The following KCNQ5 variants were observed in gnomAD, a reference collection of about 807,000 sequenced individuals.
KCNQ5 encodes the protein potassium voltage-gated channel subfamily Q member 5.
In KCNQ5, 30 loss-of-function variants were observed where a neutral mutation model predicts 98.2. That is an observed-to-expected ratio of 0.31 (90% CI 0.23 to 0.41). The LOEUF is 0.41. Among genes scored for constraint, KCNQ5 ranks in the 10% least tolerant of loss-of-function variants. The pLI is 1.00. For synonymous variants in KCNQ5, 458 were observed against 449.4 expected (o/e 1.02, Z -0.24); for missense variants, 835 against 1,182.5 (o/e 0.71, Z 4.31).
chr6:72,712,654 A>G (rs1769427862), intron 1 of KCNQ5, among the ~76,000 whole-genome samples: 1 of 152,190 alleles, frequency 6.6e-6, no homozygotes, highest in Admixed American at 6.5e-5. Context: ...GAAAAATGTC[A>G]GCAACTAATA....
chr6:73,085,817 A>C (rs2150399490), intron 5 of KCNQ5, among the ~76,000 whole-genome samples: 1 of 152,278 alleles, frequency 6.6e-6, no homozygotes, highest in South Asian at 2.1e-4. Context: ...GTGGTTTAAA[A>C]CCCACTCTGT....
chr6:72,663,072 G>C (rs1183083335), intron 1 of KCNQ5, among the ~76,000 whole-genome samples: 1 of 152,104 alleles, frequency 6.6e-6, no homozygotes, highest in East Asian at 1.9e-4. Flanking sequence ...TCTCTTGTAA[G>C]TGGGAGTAGA....
At chr6:73,023,204 G>A (rs1770688041) in intron 2 of KCNQ5, among the ~76,000 whole-genome samples, 1 of 152,146 alleles carries the variant, frequency 6.6e-6, no homozygotes, top group African/African-American at 2.4e-5. Context: ...ATCAAGGGGT[G>A]GTGTTTGAGG....
intron 3 of KCNQ5, among the ~76,000 whole-genome samples, chr6:73,063,686 T>TAGGTAGATGATA (rs55995543): frequency 1.1e-5 from 1 of 93,244 alleles, no homozygotes; most frequent in Non-Finnish European, 2.3e-5. Flanking sequence ...GATAGATAGA[T>TAGGTAGATGATA]GATAGATAGA....
At chr6:73,149,029 A>G (rs1777035013) in intron 10 of KCNQ5, among the ~76,000 whole-genome samples, 2 of 152,246 alleles carry the variant, frequency 1.3e-5, no homozygotes, top group African/African-American at 4.8e-5. Context: ...AGGAAAGAAG[A>G]CATACTGAAA....
At position 73,105,791 on chromosome 6, in the gene KCNQ5, T is replaced by C. The variant is rs369710027; in HGVS notation, c.1029+424T>C. Among the ~76,000 whole-genome samples, 28 of 152,314 alleles carry C rather than the reference T, an allele frequency of 1.8e-4. No homozygotes were observed. The East Asian group carries it at 2.1e-3, about 12-fold the overall frequency. ...CAGATCCATTTGAGTGAAAAGCATA[T>C]GACCTTAAAGGGTGTTAAACATGTC... On this transcript the variant is annotated intron_variant, in intron 6 of 13. Transcript: ENST00000370398.
intron 1 of KCNQ5, among the ~76,000 whole-genome samples, chr6:72,815,146 C>T (rs1775445492): frequency 6.6e-6 from 1 of 152,034 alleles, no homozygotes; most frequent in African/African-American, 2.4e-5. Flanking sequence ...GCAGAATCAG[C>T]TTTTACTCTC....
intron 1 of KCNQ5, among the ~76,000 whole-genome samples, chr6:72,763,225 G>A (rs1416082364): frequency 1.3e-5 from 2 of 151,896 alleles, no homozygotes; most frequent in Admixed American, 6.6e-5. Flanking sequence ...ATATTGAATG[G>A]TATTAACAAG....
At chr6:73,102,878 A>G (rs1267567755) in intron 5 of KCNQ5, among the ~76,000 whole-genome samples, 1 of 152,196 alleles carries the variant, frequency 6.6e-6, no homozygotes, top group Non-Finnish European at 1.5e-5. Context: ...TTTAGCCACT[A>G]TGGAGAAGAG....
intron 11 of KCNQ5, among the ~76,000 whole-genome samples, chr6:73,171,705 T>C (rs75101658): frequency 0.017 from 2,583 of 152,338 alleles, 137 homozygotes; most frequent in Admixed American, 0.11. Flanking sequence ...CAGAAAATTT[T>C]ATTGAACATT....
chr6:73,159,753 A>C (rs7748418), intron 10 of KCNQ5, among the ~76,000 whole-genome samples: 1 of 152,024 alleles, frequency 6.6e-6, no homozygotes, highest in Non-Finnish European at 1.5e-5. Flanking sequence ...ATATATTTTG[A>C]ATTGTGATTC....
chr6:72,854,452 A>G lies in KCNQ5; in HGVS notation c.399-149456A>G, dbSNP rs967874592. ...ATTAGAAAAAAAATTTCTTTTTACT[A>G]TTAATATGTGTTCATTTATGTAAAA... On this transcript the variant is annotated intron_variant, in intron 1 of 13. Coordinates refer to ENST00000370398, the MANE Select transcript of KCNQ5 (RefSeq NM_019842.4). Among the ~76,000 whole-genome samples, 3 of 151,992 alleles carry G rather than the reference A, an allele frequency of 2.0e-5. No homozygotes were observed. In the East Asian group the frequency reaches 5.8e-4, roughly 30 times the overall value.
chr6:72,965,686 T>C (rs559442821), intron 1 of KCNQ5, among the ~76,000 whole-genome samples: 1 of 152,356 alleles, frequency 6.6e-6, no homozygotes, highest in East Asian at 1.9e-4. Context: ...ATTATCTATT[T>C]TATTTTTAAA....
chr6:72,840,794 G>A (rs1776755520), intron 1 of KCNQ5, among the ~76,000 whole-genome samples: 1 of 152,144 alleles, frequency 6.6e-6, no homozygotes. Flanking sequence ...TATGATCCAC[G>A]GACTAGGCAG....
intron 11 of KCNQ5, among the ~76,000 whole-genome samples, chr6:73,182,749 A>G (rs1778445762): frequency 6.6e-6 from 1 of 152,138 alleles, no homozygotes; most frequent in Non-Finnish European, 1.5e-5. Context: ...CTCTCCTCTT[A>G]TCAAAGGCTA....
intron 1 of KCNQ5, among the ~76,000 whole-genome samples, chr6:72,849,303 C>T (rs570338962): frequency 9.9e-5 from 15 of 152,116 alleles, no homozygotes; most frequent in Admixed American, 7.2e-4. Flanking sequence ...GGGTAGATAC[C>T]AAGTAGTGGG....
intron 1 of KCNQ5, chr6:72,676,972 G>A (rs748704557): frequency 1.3e-5 from 2 of 151,998 alleles, no homozygotes; most frequent in African/African-American, 4.8e-5. Context: ...TTGATTTGGG[G>A]TATATGTATG....
At chr6:72,667,724 C>G (rs1766894823) in intron 1 of KCNQ5, among the ~76,000 whole-genome samples, 1 of 151,976 alleles carries the variant, frequency 6.6e-6, no homozygotes, top group Non-Finnish European at 1.5e-5. Context: ...AAAATATATC[C>G]ATATTATGTT....
At chr6:72,780,624 T>C (rs1773414211) in intron 1 of KCNQ5, among the ~76,000 whole-genome samples, 1 of 152,098 alleles carries the variant, frequency 6.6e-6, no homozygotes, top group Non-Finnish European at 1.5e-5. Context: ...GAGTGACTGT[T>C]GGGTGAGGAG....
Sources: allele counts gnomAD v4.1 joint callset (sites outside exome capture counted in the v4.1 genomes callset), GRCh38; gene constraint gnomAD v4.1.1; transcripts MANE v1.5; gene names NCBI Gene and HGNC (gene_info 2026-07-23, HGNC 2026-07-21).